Variants in TEX15 observed in about 807,000 individuals in gnomAD.
TEX15 encodes the protein testis expressed 15, meiosis and synapsis associated, also known as testis-expressed protein 15.
Under a neutral mutation model 237.3 loss-of-function variants are expected in TEX15, and 171 were observed. That is an observed-to-expected ratio of 0.72 (90% CI 0.64 to 0.82). The LOEUF (loss-of-function observed/expected upper bound fraction) is 0.82. Among genes scored for constraint, TEX15 ranks in the 40% least tolerant of loss-of-function variants. The pLI is 0.00. For missense variants in TEX15, 3,750 were observed against 3,646.5 expected (o/e 1.03, Z -0.73); for synonymous variants, 1,338 against 1,269.8 (o/e 1.05, Z -1.14).
chr8:30,890,521 C>T (rs1218199585), intron 2 of TEX15: 1 of 152,194 alleles, frequency 6.6e-6, no homozygotes, highest in East Asian at 1.9e-4. Flanking sequence ...CTCCATTACT[C>T]TACCTAAATA....
intron 3 of TEX15, among the ~76,000 whole-genome samples, chr8:30,879,938 TAAA>T (rs35862520): frequency 3.5e-4 from 41 of 117,736 alleles, no homozygotes; most frequent in Middle Eastern, 4.0e-3. Flanking sequence ...TTTTTTTTTT[TAAA>T]AAAAAAAATC....
chr8:30,871,432 C>T (rs994125071), intron 4 of TEX15, among the ~76,000 whole-genome samples: 3 of 152,066 alleles, frequency 2.0e-5, no homozygotes, highest in African/African-American at 4.8e-5. Context: ...CTGGTAGCAA[C>T]GAGGCTTCCT....
At chr8:30,902,956 GC>G in intron 1 of TEX15, among the ~76,000 whole-genome samples, 1 of 152,288 alleles carries the variant, frequency 6.6e-6, no homozygotes, top group East Asian at 1.9e-4. Context: ...TTTGTCTGTT[GC>G]CCCTCAGGGA....
At chr8:30,873,883 G>C (rs1808347861) in intron 4 of TEX15, among the ~76,000 whole-genome samples, 1 of 152,106 alleles carries the variant, frequency 6.6e-6, no homozygotes, top group African/African-American at 2.4e-5. Context: ...ATACATGTTG[G>C]TCATTTACAA....
In TEX15 at chr8:30,847,592, TTTG is replaced by T; in HGVS notation, c.2572_2574del (p.Gln858del). The stretch of plus-strand genomic sequence containing the variant: ...GCCTCATTTTGGTTTTCTCTATCTG[TTTG>T]TTTTTTGAAATTAACATTCAGCCAT... On this transcript the variant is annotated inframe_deletion, in exon 8 of 11. Coordinates refer to ENST00000643185, the MANE Select transcript of TEX15 (RefSeq NM_001350162.2). The T allele has an allele frequency of 1.2e-6, 2 of 1,612,646 alleles. No individual in the cohort carries two copies. Among genetic ancestry groups the T allele is most frequent in the Admixed American group, 1.7e-5 (1 of 59,896 alleles).
intron 1 of TEX15, among the ~76,000 whole-genome samples, chr8:30,911,483 C>G (rs910815801): frequency 6.6e-6 from 1 of 152,108 alleles, no homozygotes; most frequent in Non-Finnish European, 1.5e-5. Flanking sequence ...CCTTCTCCAC[C>G]AACACACATA....
chr8:30,876,865 A>G (rs1808409157), intron 3 of TEX15, among the ~76,000 whole-genome samples: 1 of 152,122 alleles, frequency 6.6e-6, no homozygotes. Context: ...AGGTAATTGA[A>G]TCATGGGGGC....
At position 30,843,272 on chromosome 8, in the gene TEX15, T is replaced by C; in HGVS notation, c.6895A>G (p.Arg2299Gly). ...KKYSQKKDEE[R>G]LLRVNKCAFS... The stretch of plus-strand genomic sequence containing the variant: ...GCACATTTATTCACTCTGAGTAGCC[T>C]TTCTTCGTCCTTCTTTTGTGAGTAT... The change falls in exon 8 of 11, where the codon AGG becomes GGG. Residue 2299 changes from arginine (R) to glycine (G), a missense_variant. By Grantham distance (125) the Arg-to-Gly change is moderately radical (BLOSUM62 -2). Transcript: ENST00000643185. 1 of 1,612,168 alleles carries C rather than the reference T, an allele frequency of 6.2e-7. No individual in the cohort carries two copies. Among genetic ancestry groups the C allele is most frequent in the Non-Finnish European group, 8.5e-7 (1 of 1,179,338 alleles).
chr8:30,885,619 T>C (rs1808631271), intron 3 of TEX15, among the ~76,000 whole-genome samples: 1 of 152,152 alleles, frequency 6.6e-6, no homozygotes, highest in Non-Finnish European at 1.5e-5. Flanking sequence ...TCTTAACGTG[T>C]ATTATGGCCA....
At chr8:30,859,796 G>A (rs924387689) in intron 6 of TEX15, 115 bp downstream of exon 6, 17 of 781,992 alleles carry the variant, frequency 2.2e-5, no homozygotes, top group African/African-American at 3.6e-5. Flanking sequence ...GTTTGCTTAA[G>A]ATATTATATT....
intron 3 of TEX15, among the ~76,000 whole-genome samples, chr8:30,881,625 TA>T (rs1563267017): frequency 0.011 from 1,095 of 102,670 alleles, 250 homozygotes; most frequent in African/African-American, 0.076. Context: ...TATTTTTTTT[TA>T]TTATTTTTTT....
chr8:30,912,987 C>T lies in TEX15; in HGVS notation c.-194G>A, dbSNP rs994214429. 6.6e-6 allele frequency: 1 copy of T among 152,470 alleles called. No individual in the cohort carries two copies. Among genetic ancestry groups the T allele is most frequent in the African/African-American group, 2.4e-5 (1 of 41,480 alleles). 9.4% of individuals were successfully genotyped at this position (152,470 alleles called of 1,614,324 possible). On this transcript the variant is annotated 5_prime_UTR_variant, in exon 1 of 11. Coordinates refer to ENST00000643185, the MANE Select transcript of TEX15 (RefSeq NM_001350162.2). ...GCCTCAGGAACACAGCAGCACCCCCCAGCGAGGTGCGCACAGTGAGCAGGC... is the reference window on the plus strand; with the variant it reads ...GCCTCAGGAACACAGCAGCACCCCCTAGCGAGGTGCGCACAGTGAGCAGGC...
At position 30,845,425 on chromosome 8, in the gene TEX15, C is replaced by A; in HGVS notation, c.4742G>T (p.Ser1581Ile). Residue 1581 changes from serine to isoleucine, a missense_variant, in exon 8 of 11, where the codon AGC (serine) becomes ATC (isoleucine). Transcript: ENST00000643185. Reference protein sequence around the residue: ...ENQIDTAFLSSTSKYEKLEKH... With the variant: ...ENQIDTAFLSITSKYEKLEKH... ...TTCAAGCTTTTCATATTTACTAGTGCTAGATAAAAATGCTGTATCAATTTG... is the reference window on the plus strand; with the variant it reads ...TTCAAGCTTTTCATATTTACTAGTGATAGATAAAAATGCTGTATCAATTTG... The A allele has an allele frequency of 2.5e-6, 4 of 1,612,176 alleles. No homozygotes were observed. The highest frequency in any genetic ancestry group is 3.4e-6 in the Non-Finnish European group (4 of 1,178,876).
At position 30,837,745 on chromosome 8, in the gene TEX15, T is replaced by G. The variant is rs1585277986; in HGVS notation, c.8539A>C (p.Ser2847Arg). The change falls in exon 10 of 11, where the codon AGT (serine) becomes CGT (arginine). Residue 2847 changes from serine (S) to arginine (R), a missense_variant. Physicochemically the swap from Ser to Arg is moderately radical, Grantham distance 110 (BLOSUM62 -1). Transcript: ENST00000643185. ...TCTGGTGAAAATGTGCCATGTACAC[T>G]TTTTTGGTCACAAATTGCAAAAGCA... is the stretch of plus-strand genomic sequence containing the variant. ...CAAFAICDQK[S>R]VHGTFSPDHG... 1 of 1,612,362 alleles carries G rather than the reference T, an allele frequency of 6.2e-7. No homozygotes were observed. Among genetic ancestry groups the G allele is most frequent in the African/African-American group, 1.3e-5 (1 of 75,006 alleles).
At chr8:30,853,590 G>A (rs1221671340) in intron 7 of TEX15, among the ~76,000 whole-genome samples, 5 of 152,176 alleles carry the variant, frequency 3.3e-5, no homozygotes, top group African/African-American at 1.2e-4. Flanking sequence ...ATGGGAGGAT[G>A]TGTGTAGGTT....
rs1476130560 is a variant in TEX15, at chr8:30,846,057, T to C, written c.4110A>G (p.Leu1370=). 3 of 1,613,312 alleles carry C rather than the reference T, an allele frequency of 1.9e-6. No homozygotes were observed. Among genetic ancestry groups the C allele is most frequent in the East Asian group, 4.5e-5 (2 of 44,864 alleles). The change falls in exon 8 of 11, where the codon TTA becomes TTG. Residue 1370 remains leucine, a synonymous_variant. Transcript: ENST00000643185. ...VLNILSDEAS[L]CKSKCLSRKL... is the part of the protein sequence containing the mutation. ...TTCTGGAAAGACATTTGCTTTTACA[T>C]AAAGATGCTTCATCACTTAGGATAT...
intron 3 of TEX15, among the ~76,000 whole-genome samples, chr8:30,881,327 C>A (rs1808515390): frequency 6.6e-6 from 1 of 152,098 alleles, no homozygotes; most frequent in Admixed American, 6.6e-5. Flanking sequence ...CTTTAGAATT[C>A]TCCAGTGAAA....
chr8:30,883,369 C>CTT (rs56948523), intron 3 of TEX15, among the ~76,000 whole-genome samples: 26 of 149,884 alleles, frequency 1.7e-4, no homozygotes, highest in Admixed American at 1.1e-3. Flanking sequence ...TCAGTATTTT[C>CTT]TTTTTTTTTT....
Position 30,896,348 on chromosome 8 carries a change from T to C in TEX15, c.-10+2394A>G, listed in dbSNP as rs577617083. Among the ~76,000 whole-genome samples the C allele has an allele frequency of 3.9e-5, 6 of 152,328 alleles. No individual in the cohort carries two copies. The East Asian group carries it at 1.2e-3, about 29-fold the overall frequency. On this transcript the variant is annotated intron_variant, in intron 2 of 10. Coordinates refer to ENST00000643185, the MANE Select transcript of TEX15 (RefSeq NM_001350162.2). Reference sequence around the variant, plus strand: ...AGGACGTAGGCCATTTTTCATCTATTTTCACTCATCTTGTTTACTTTGCCA... The same window carrying C: ...AGGACGTAGGCCATTTTTCATCTATCTTCACTCATCTTGTTTACTTTGCCA...
Sources: gnomAD v4.1 joint callset for allele counts (sites outside exome capture counted in the v4.1 genomes callset) on GRCh38, gnomAD v4.1.1 for gene constraint, MANE v1.5 for transcripts, NCBI Gene and HGNC (gene_info 2026-07-23, HGNC 2026-07-21) for gene names.